RYR3: variants seen among roughly 807,000 people sequenced by gnomAD.
RYR3 encodes ryanodine receptor 3, also known as brain ryanodine receptor-calcium release channel.
Under a neutral mutation model 584.3 loss-of-function variants are expected in RYR3, and 207 were observed. That is an observed-to-expected ratio of 0.35 (90% CI 0.32 to 0.40). The LOEUF is 0.40. Ranked by LOEUF, RYR3 falls within the 10% of genes least tolerant of loss-of-function variation. The pLI, the probability that RYR3 is intolerant of heterozygous loss-of-function variation, is 1.00. For synonymous variants in RYR3, 2,416 were observed against 2,248.5 expected, an observed-to-expected ratio of 1.07 and a Z score of -2.11; for missense variants, 5,616 against 6,089.2, an observed-to-expected ratio of 0.92 and a Z score of 2.59.
Position 33,581,800 on chromosome 15 carries a change from T to C in RYR3, c.1573+157T>C, listed in dbSNP as rs1318437720. On this transcript the variant is annotated intron_variant, in intron 14 of 103. Transcript: ENST00000634891. ...TAACCATTCAATTTTAACCCAGCTG[T>C]TCATTCTGTTAACTAGTAGCAGCCA... 2.6e-5 allele frequency among the ~76,000 whole-genome samples: 4 copies of C among 152,304 alleles called. No homozygotes were observed. In the East Asian group the frequency reaches 7.7e-4, roughly 29 times the overall value.
chr15:33,332,611 A>G (rs1970494090), intron 1 of RYR3, among the ~76,000 whole-genome samples: 1 of 152,098 alleles, frequency 6.6e-6, no homozygotes, highest in Non-Finnish European at 1.5e-5. Context: ...CTCATTACAG[A>G]ACAATTTAGA....
intron 1 of RYR3, among the ~76,000 whole-genome samples, chr15:33,355,847 G>T (rs74005188): frequency 3.3e-5 from 5 of 152,044 alleles, no homozygotes; most frequent in African/African-American, 1.2e-4. Context: ...TACTCCCTAG[G>T]TTCCCGCCAC....
At chr15:33,729,434 C>A (rs943970219) in intron 47 of RYR3, among the ~76,000 whole-genome samples, 3 of 152,104 alleles carry the variant, frequency 2.0e-5, no homozygotes, top group African/African-American at 7.2e-5. Flanking sequence ...TCTGGTGAGA[C>A]CGTGTCTCTA....
intron 32 of RYR3, among the ~76,000 whole-genome samples, chr15:33,655,187 A>G (rs1243935527): frequency 6.6e-6 from 1 of 152,236 alleles, no homozygotes; most frequent in Non-Finnish European, 1.5e-5. Context: ...TCACAAAGCC[A>G]GGCTTTGAGG....
chr15:33,459,670 G>A (rs1191405378), intron 1 of RYR3, among the ~76,000 whole-genome samples: 2 of 152,156 alleles, frequency 1.3e-5, no homozygotes, highest in Non-Finnish European at 2.9e-5. Flanking sequence ...TGAAAATGGT[G>A]ATGAAGTGGT....
At chr15:33,627,375 A>G (rs951549339) in intron 20 of RYR3, among the ~76,000 whole-genome samples, 3 of 152,218 alleles carry the variant, frequency 2.0e-5, no homozygotes, top group Non-Finnish European at 1.5e-5. Context: ...GAAAATACAG[A>G]GGAACTCTCC....
chr15:33,564,342 C>T (rs1289243469), intron 11 of RYR3, among the ~76,000 whole-genome samples: 1 of 152,130 alleles, frequency 6.6e-6, no homozygotes, highest in Non-Finnish European at 1.5e-5. Flanking sequence ...AAGAGCAAAG[C>T]AGAGATGTTG....
chr15:33,440,656 C>A (rs1055348131), intron 1 of RYR3, among the ~76,000 whole-genome samples: 6 of 152,172 alleles, frequency 3.9e-5, no homozygotes, highest in Non-Finnish European at 7.3e-5. Flanking sequence ...GATTCTCCAA[C>A]GTGGAATTTC....
At chr15:33,338,117 T>C (rs1403004193) in intron 1 of RYR3, among the ~76,000 whole-genome samples, 1 of 151,988 alleles carries the variant, frequency 6.6e-6, no homozygotes, top group East Asian at 1.9e-4. Flanking sequence ...GCTAAGTTTC[T>C]TGTATTTTTA....
At chr15:33,826,396 A>C (rs1049329509) in intron 83 of RYR3, 127 bp downstream of exon 83, 2 of 966,256 alleles carry the variant, frequency 2.1e-6, no homozygotes, top group Non-Finnish European at 3.3e-6. Flanking sequence ...GCAGTTTGGT[A>C]CTTAATTAAA....
At chr15:33,437,070 A>G (rs1181896912) in intron 1 of RYR3, among the ~76,000 whole-genome samples, 1 of 151,820 alleles carries the variant, frequency 6.6e-6, no homozygotes, top group Non-Finnish European at 1.5e-5. Flanking sequence ...CAACTCTGTC[A>G]ATATCAAGAT....
chr15:33,710,800 C>T (rs1452063460), intron 43 of RYR3, among the ~76,000 whole-genome samples: 1 of 152,228 alleles, frequency 6.6e-6, no homozygotes, highest in Admixed American at 6.5e-5. Flanking sequence ...AAAGTGGCAG[C>T]CCAAGTTTTA....
intron 50 of RYR3, among the ~76,000 whole-genome samples, chr15:33,739,565 A>T (rs1014256070): frequency 6.7e-6 from 1 of 149,178 alleles, no homozygotes; most frequent in Non-Finnish European, 1.5e-5. Context: ...TCTTGAAATT[A>T]GTCATTTAGG....
intron 74 of RYR3, among the ~76,000 whole-genome samples, chr15:33,815,051 C>A: frequency 7.0e-6 from 1 of 143,208 alleles, no homozygotes. Flanking sequence ...GCCTGGGTGA[C>A]AGAACGAGAC....
chr15:33,468,976 C>G (rs928902149), intron 1 of RYR3, among the ~76,000 whole-genome samples: 1 of 152,168 alleles, frequency 6.6e-6, no homozygotes, highest in Non-Finnish European at 1.5e-5. Context: ...ATAGTGCTTA[C>G]ATAGTGTTGA....
intron 102 of RYR3, among the ~76,000 whole-genome samples, chr15:33,861,393 C>G (rs1054708158): frequency 6.6e-6 from 1 of 152,132 alleles, no homozygotes; most frequent in South Asian, 2.1e-4. Context: ...GCCAGCCCCT[C>G]AACCTGTGAT....
chr15:33,417,584 C>T (rs918960144), intron 1 of RYR3, among the ~76,000 whole-genome samples: 31 of 152,058 alleles, frequency 2.0e-4, no homozygotes, highest in African/African-American at 4.3e-4. Context: ...AGTCATTTGG[C>T]GGAATCTTTA....
intron 1 of RYR3, among the ~76,000 whole-genome samples, chr15:33,416,716 TG>T (rs1182082320): frequency 1.3e-5 from 2 of 152,210 alleles, no homozygotes; most frequent in African/African-American, 2.4e-5. Flanking sequence ...TGTCAATTTT[TG>T]TTTCTGTTAC....
chr15:33,740,872 G>C (rs571065681), intron 51 of RYR3, among the ~76,000 whole-genome samples: 1 of 152,222 alleles, frequency 6.6e-6, no homozygotes, highest in Non-Finnish European at 1.5e-5. Context: ...CACACATTCC[G>C]TTGGAAAGAG....
Sources: gnomAD v4.1 joint callset for allele counts (sites outside exome capture counted in the v4.1 genomes callset) on GRCh38, gnomAD v4.1.1 for gene constraint, MANE v1.5 for transcripts, NCBI Gene and HGNC (gene_info 2026-07-23, HGNC 2026-07-21) for gene names.